The following ATG10 variants were observed in gnomAD, a reference collection of about 807,000 sequenced individuals.
ATG10 encodes the protein ubiquitin-like-conjugating enzyme ATG10.
Under a neutral mutation model 32.1 loss-of-function variants are expected in ATG10, and 30 were observed. That is an observed-to-expected ratio of 0.94 (90% CI 0.70 to 1.27). The LOEUF is 1.27. ATG10 is among the 50% of genes most tolerant of loss of function. The pLI is 0.00. For synonymous variants in ATG10, 87 were observed against 91.5 expected, an observed-to-expected ratio of 0.95 and a Z score of 0.28; for missense variants, 233 against 262.3, an observed-to-expected ratio of 0.89 and a Z score of 0.77.
At chr5:82,228,561 T>C (rs182890676) in intron 5 of ATG10, among the ~76,000 whole-genome samples, 63 of 152,302 alleles carry the variant, frequency 4.1e-4, no homozygotes, top group African/African-American at 1.4e-3. Flanking sequence ...CAAGGAGAAA[T>C]ATATAAAATG....
intron 3 of ATG10, among the ~76,000 whole-genome samples, chr5:82,063,564 C>T (rs2149757628): frequency 6.6e-6 from 1 of 151,456 alleles, no homozygotes; most frequent in South Asian, 2.1e-4. Context: ...GTGATCTTGG[C>T]TCACTGCAAC....
At chr5:82,187,668 C>T (rs1744506444) in intron 5 of ATG10, among the ~76,000 whole-genome samples, 1 of 151,672 alleles carries the variant, frequency 6.6e-6, no homozygotes, top group Non-Finnish European at 1.5e-5. Context: ...TCACTGCAAT[C>T]TCTGCTTCCC....
At chr5:82,132,378 T>C (rs895860980) in intron 3 of ATG10, among the ~76,000 whole-genome samples, 2 of 151,866 alleles carry the variant, frequency 1.3e-5, no homozygotes, top group African/African-American at 4.8e-5. Context: ...ACATTACATA[T>C]TTCTCCTAAT....
intron 3 of ATG10, among the ~76,000 whole-genome samples, chr5:82,159,980 C>T (rs1214155988): frequency 2.6e-5 from 4 of 152,052 alleles, no homozygotes; most frequent in Admixed American, 1.3e-4. Context: ...ATATCAGAAC[C>T]AGGATGTTGA....
rs1197036185 is a variant in ATG10 at position 82,128,455 on chromosome 5, C to G, written c.217-35944C>G. 2.0e-5 allele frequency among the ~76,000 whole-genome samples: 3 copies of G among 151,964 alleles called. No individual in the cohort carries two copies. In the East Asian group the frequency reaches 5.9e-4, roughly 30 times the overall value. On this transcript the variant is annotated intron_variant, in intron 3 of 7. Transcript: ENST00000282185. ...TTTTCCTTTCCATATTTAGTGCTTA[C>G]TTCAGGAGCTCTTGTAAGGCAGGCC...
chr5:82,042,529 T>A (rs1278463362), intron 2 of ATG10, among the ~76,000 whole-genome samples: 1 of 152,220 alleles, frequency 6.6e-6, no homozygotes, highest in East Asian at 1.9e-4. Flanking sequence ...TTAATTCATT[T>A]CAACATTAAT....
At chr5:82,082,117 G>A (rs986573805) in intron 3 of ATG10, among the ~76,000 whole-genome samples, 13 of 152,162 alleles carry the variant, frequency 8.5e-5, no homozygotes, top group African/African-American at 3.1e-4. Context: ...CATGACACAT[G>A]GGAATTGTGG....
In ATG10 at chr5:82,032,214, G is replaced by C. The variant is rs1292083126; in HGVS notation, c.109-26281G>C. The stretch of plus-strand genomic sequence containing the variant: ...GCCTGTCTCAGGTGTGATAGATATG[G>C]TTTTTGATTTGCCTGAATGGTTAGA... On this transcript the variant is annotated intron_variant, in intron 2 of 7. Coordinates refer to ENST00000282185, the MANE Select transcript of ATG10 (RefSeq NM_031482.5). 2.6e-5 allele frequency among the ~76,000 whole-genome samples: 4 copies of C among 152,312 alleles called. No individual in the cohort carries two copies. In the East Asian group the frequency reaches 7.7e-4, roughly 29 times the overall value.
chr5:81,997,365 C>T (rs1761698399), intron 2 of ATG10, among the ~76,000 whole-genome samples: 1 of 152,158 alleles, frequency 6.6e-6, no homozygotes, highest in African/African-American at 2.4e-5. Flanking sequence ...TTAGAGCACA[C>T]AGCTCAGGAG....
At chr5:82,090,362 A>G (rs1764842294) in intron 3 of ATG10, among the ~76,000 whole-genome samples, 1 of 152,156 alleles carries the variant, frequency 6.6e-6, no homozygotes, top group Admixed American at 6.6e-5. Flanking sequence ...AACAACCCAC[A>G]TGTCCTTTAA....
chr5:82,104,177 T>A (rs1765375738), intron 3 of ATG10, among the ~76,000 whole-genome samples: 1 of 152,144 alleles, frequency 6.6e-6, no homozygotes, highest in Non-Finnish European at 1.5e-5. Flanking sequence ...TTGGCGAACA[T>A]CTGTACATAT....
intron 3 of ATG10, among the ~76,000 whole-genome samples, chr5:82,158,878 G>C (rs992253879): frequency 1.3e-5 from 2 of 152,136 alleles, no homozygotes; most frequent in African/African-American, 4.8e-5. Flanking sequence ...AGGCCTTCCT[G>C]TACCCCTAAC....
intron 2 of ATG10, among the ~76,000 whole-genome samples, chr5:82,025,106 C>A (rs1315121808): frequency 6.6e-6 from 1 of 152,202 alleles, no homozygotes; most frequent in Non-Finnish European, 1.5e-5. Flanking sequence ...TGACAAGTTT[C>A]ATTTACTTCT....
chr5:82,011,575 T>A (rs532283130), intron 2 of ATG10, among the ~76,000 whole-genome samples: 1 of 152,346 alleles, frequency 6.6e-6, no homozygotes, highest in East Asian at 1.9e-4. Flanking sequence ...AAAAAGATTA[T>A]TCTTTTGAGC....
At chr5:82,133,471 G>A (rs1452020218) in intron 3 of ATG10, among the ~76,000 whole-genome samples, 3 of 152,044 alleles carry the variant, frequency 2.0e-5, no homozygotes, top group Non-Finnish European at 4.4e-5. Flanking sequence ...ACCATTTATG[G>A]AATAGGGAAT....
At chr5:82,131,971 A>G (rs924850895) in intron 3 of ATG10, among the ~76,000 whole-genome samples, 17 of 152,010 alleles carry the variant, frequency 1.1e-4, no homozygotes, top group African/African-American at 4.1e-4. Context: ...AGAGAGAGAA[A>G]GTGAGGGGGA....
intron 3 of ATG10, among the ~76,000 whole-genome samples, chr5:82,157,922 C>A (rs1767871541): frequency 6.6e-6 from 1 of 152,142 alleles, no homozygotes; most frequent in Admixed American, 6.5e-5. Context: ...GAATAAAGCT[C>A]ATTACTTACG....
At chr5:82,130,007 TGG>T (rs1045434059) in intron 3 of ATG10, among the ~76,000 whole-genome samples, 3 of 152,156 alleles carry the variant, frequency 2.0e-5, no homozygotes, top group African/African-American at 7.2e-5. Flanking sequence ...AGCCCCTGAC[TGG>T]GGCTGCTGCC....
chr5:82,082,155 G>A (rs4703867), intron 3 of ATG10, among the ~76,000 whole-genome samples: 4 of 151,882 alleles, frequency 2.6e-5, no homozygotes, highest in Non-Finnish European at 4.4e-5. Flanking sequence ...GAGATTTGGG[G>A]GGGGGGACAC....
Sources: allele counts gnomAD v4.1 joint callset (sites outside exome capture counted in the v4.1 genomes callset), GRCh38; gene constraint gnomAD v4.1.1; transcripts MANE v1.5; gene names NCBI Gene and HGNC (gene_info 2026-07-23, HGNC 2026-07-21).